The following BRI3BP variants were observed in gnomAD, a reference collection of about 807,000 sequenced individuals.
BRI3BP encodes the protein BRI3-binding protein.
In BRI3BP, 7 loss-of-function variants were observed where a neutral mutation model predicts 15.8. The observed-to-expected ratio is 0.44, with a 90% CI of 0.25 to 0.83. The LOEUF (loss-of-function observed/expected upper bound fraction) is 0.83, where lower values mean the gene tolerates loss of function less well. Among genes scored for constraint, BRI3BP ranks in the 40% least tolerant of loss-of-function variants. The pLI is 0.20. For missense variants in BRI3BP, 320 were observed against 339.3 expected (o/e 0.94, Z 0.45); for synonymous variants, 192 against 163.5 (o/e 1.17, Z -1.33).
At chr12:125,049,931 A>T in the BRI3BP span, among the ~76,000 whole-genome samples, 1 of 152,152 alleles carries the variant, frequency 6.6e-6, no homozygotes, top group Non-Finnish European at 1.5e-5. Context: ...GACTTGGGCG[A>T]GGCGGAGAGG....
chr12:125,050,548 T>C, the BRI3BP span, among the ~76,000 whole-genome samples: 3 of 152,218 alleles, frequency 2.0e-5, no homozygotes, highest in African/African-American at 7.2e-5. Context: ...CCTTAATACC[T>C]TCAGTCTTTT....
At chr12:125,037,202 G>A in the BRI3BP span, among the ~76,000 whole-genome samples, 62 of 152,270 alleles carry the variant, frequency 4.1e-4, no homozygotes, top group African/African-American at 1.4e-3. Flanking sequence ...TGGGATTACA[G>A]GCACGTGCCA....
chr12:125,017,535 TCA>T (rs552518395), intron 2 of BRI3BP, among the ~76,000 whole-genome samples: 13 of 152,330 alleles, frequency 8.5e-5, no homozygotes, highest in African/African-American at 2.9e-4. Context: ...ATCAGGTGTC[TCA>T]CAGTTTTTTG....
Position 124,993,890 on chromosome 12 carries a change from G to T in BRI3BP, c.100G>T (p.Gly34Trp). Reference protein sequence around the residue: ...LLGLLAPGAQGARGRGGAEKN... With the variant: ...LLGLLAPGAQWARGRGGAEKN... ...CGGGCTGCTGGCCCCGGGCGCGCAG[G>T]GGGCGCGGGGCCGCGGCGGCGCGGA... Residue 34 changes from glycine (G) to tryptophan (W), a missense_variant, in exon 1 of 3, where the codon GGG becomes TGG. Coordinates refer to ENST00000341446, the MANE Select transcript of BRI3BP (RefSeq NM_080626.6). 8.0e-7 allele frequency: 1 copy of T among 1,252,998 alleles called. No homozygotes were observed. 77.6% of individuals were successfully genotyped at this position (1,252,998 alleles called of 1,614,324 possible).
chr12:125,022,518 ATTAT>A lies in BRI3BP; in HGVS notation c.317-2450_317-2447del, dbSNP rs573464976. Among the ~76,000 whole-genome samples, 16 of 144,418 alleles carry A rather than the reference ATTAT, an allele frequency of 1.1e-4. No individual in the cohort carries two copies. The East Asian group carries it at 2.8e-3, about 25-fold the overall frequency. The allele number at this position is 144,418 out of a possible 152,430, so 94.7% of individuals were successfully genotyped here. On this transcript the variant is annotated intron_variant, in intron 2 of 2. Coordinates refer to ENST00000341446, the MANE Select transcript of BRI3BP (RefSeq NM_080626.6). ...TGATGTTATATGGAATTGTTAATTT[ATTAT>A]TTATTTATTTATTTATTTATTTTTT...
chr12:125,022,239 G>T (rs1955305262), intron 2 of BRI3BP, among the ~76,000 whole-genome samples: 2 of 152,094 alleles, frequency 1.3e-5, no homozygotes, highest in Admixed American at 1.3e-4. Context: ...GTGTGAGAAG[G>T]CTTAGGATAT....
intron 1 of BRI3BP, among the ~76,000 whole-genome samples, chr12:125,008,933 A>G (rs974593281): frequency 6.6e-6 from 1 of 151,788 alleles, no homozygotes; most frequent in African/African-American, 2.4e-5. Flanking sequence ...CATGTAACCT[A>G]GATCCCTCGC....
chr12:125,008,198 A>G (rs1042481520), intron 1 of BRI3BP, among the ~76,000 whole-genome samples: 2 of 151,192 alleles, frequency 1.3e-5, no homozygotes, highest in Admixed American at 6.6e-5. Context: ...AGACCTCTTC[A>G]TGGGTGTGGT....
chr12:125,017,780 C>G (rs1955260370), intron 2 of BRI3BP, among the ~76,000 whole-genome samples: 1 of 152,134 alleles, frequency 6.6e-6, no homozygotes, highest in Admixed American at 6.5e-5. Flanking sequence ...GAGGCCACTT[C>G]CAACAAAGTT....
At chr12:125,012,673 C>T (rs542856168) in intron 2 of BRI3BP, 37 bp downstream of exon 2, 3 of 1,496,500 alleles carry the variant, frequency 2.0e-6, no homozygotes, top group Admixed American at 1.7e-5. Context: ...AGGTGTCATT[C>T]TATTTTGGTG....
Position 125,029,386 on chromosome 12 carries a change from G to A in BRI3BP, c.*3956G>A, listed in dbSNP as rs1195565286. ...AAAAAAAAAAAAAAAAAAAAAAATA[G>A]CCAGGTGTGGTGGTGGGTTCCTGTA... On this transcript the variant is annotated 3_prime_UTR_variant, in exon 3 of 3. Transcript: ENST00000341446. 2 of 133,708 alleles carry A rather than the reference G, an allele frequency of 1.5e-5. No homozygotes were observed. The highest frequency in any genetic ancestry group is 3.9e-3 in the Middle Eastern group (1 of 256). The allele number at this position is 133,708 out of a possible 1,614,324, so 8.3% of individuals were successfully genotyped here.
the BRI3BP span, among the ~76,000 whole-genome samples, chr12:125,044,223 G>A: frequency 6.6e-6 from 1 of 151,878 alleles, no homozygotes; most frequent in African/African-American, 2.4e-5. Context: ...CGCGATCTTG[G>A]CTCACTGCAA....
chr12:125,006,100 A>G (rs1955141778), intron 1 of BRI3BP, among the ~76,000 whole-genome samples: 1 of 151,982 alleles, frequency 6.6e-6, no homozygotes. Flanking sequence ...GTCGCATCGG[A>G]TTAGGGCCCA....
At position 125,025,438 on chromosome 12, in the gene BRI3BP, C is replaced by A; in HGVS notation, c.*8C>A. On this transcript the variant is annotated 3_prime_UTR_variant, in exon 3 of 3. Coordinates refer to ENST00000341446, the MANE Select transcript of BRI3BP (RefSeq NM_080626.6). ...CGCTCCAAGGACAAGTGAAGGTCAG[C>A]CGGCCGGGCGGGTCCACAGTTACCA... 2 of 1,575,240 alleles carry A rather than the reference C, an allele frequency of 1.3e-6. No individual in the cohort carries two copies. The highest frequency in any genetic ancestry group is 1.7e-6 in the Non-Finnish European group (2 of 1,156,932).
chr12:125,010,772 A>C lies in BRI3BP; in HGVS notation c.214-1762A>C, dbSNP rs562059197. On this transcript the variant is annotated intron_variant, in intron 1 of 2. Coordinates refer to ENST00000341446, the MANE Select transcript of BRI3BP (RefSeq NM_080626.6). ...AGCCTGGCGACAAAGCGAGACTCCA[A>C]ATAAAATAAAATTAAATTAAAACAT... Among the ~76,000 whole-genome samples the C allele has an allele frequency of 6.7e-4, 102 of 151,402 alleles. 1 individual carries two copies. In the South Asian group the frequency reaches 0.02, roughly 29 times the overall value.
intron 1 of BRI3BP, among the ~76,000 whole-genome samples, chr12:124,998,905 C>T (rs1028180400): frequency 6.6e-6 from 1 of 151,946 alleles, no homozygotes; most frequent in Non-Finnish European, 1.5e-5. Context: ...AGTGAGACCC[C>T]ATCTCTACGA....
the BRI3BP span, among the ~76,000 whole-genome samples, chr12:125,043,626 G>A: frequency 6.6e-6 from 1 of 152,108 alleles, no homozygotes; most frequent in East Asian, 1.9e-4. Flanking sequence ...GGAGGCCGAG[G>A]TGGGCCAATC....
At chr12:125,019,622 CATT>C (rs1252751575) in intron 2 of BRI3BP, among the ~76,000 whole-genome samples, 1 of 123,052 alleles carries the variant, frequency 8.1e-6, no homozygotes, top group South Asian at 3.0e-4. Context: ...ATCTTATTAA[CATT>C]AATTCCACCC....
chr12:124,999,670 T>C (rs1481754381), intron 1 of BRI3BP, among the ~76,000 whole-genome samples: 2 of 150,448 alleles, frequency 1.3e-5, no homozygotes, highest in Non-Finnish European at 3.0e-5. Context: ...CAGGCTGGAG[T>C]GCAGTGGCGC....
Sources: gnomAD v4.1 joint callset for allele counts (sites outside exome capture counted in the v4.1 genomes callset) on GRCh38, gnomAD v4.1.1 for gene constraint, MANE v1.5 for transcripts, NCBI Gene and HGNC (gene_info 2026-07-23, HGNC 2026-07-21) for gene names.